Variants in HDAC4 observed in about 807,000 individuals in gnomAD.
The protein encoded by HDAC4 is histone deacetylase A.
In HDAC4, 16 loss-of-function variants were observed where a neutral mutation model predicts 135.1. The observed-to-expected ratio is 0.12, with a 90% CI of 0.08 to 0.18. The LOEUF (loss-of-function observed/expected upper bound fraction) is 0.18, where lower values mean the gene tolerates loss of function less well. Ranked by LOEUF, HDAC4 falls within the 10% of genes least tolerant of loss-of-function variation. The probability of loss-of-function intolerance (pLI) is 1.00; values close to 1 mark genes in which losing one functional copy is unlikely to be tolerated. For missense variants in HDAC4, 1,143 were observed against 1,511.8 expected, an observed-to-expected ratio of 0.76 and a Z score of 4.05; for synonymous variants, 685 against 653.4, an observed-to-expected ratio of 1.05 and a Z score of -0.74.
chr2:239,078,552 C>T (rs1024825304), intron 22 of HDAC4, among the ~76,000 whole-genome samples: 1 of 151,924 alleles, frequency 6.6e-6, no homozygotes, highest in East Asian at 1.9e-4. Context: ...AACCCTGAAA[C>T]AATTTTCCTT....
At chr2:239,239,785 T>A (rs1013640292) in intron 2 of HDAC4, among the ~76,000 whole-genome samples, 1 of 152,212 alleles carries the variant, frequency 6.6e-6, no homozygotes, top group African/African-American at 2.4e-5. Flanking sequence ...GGAAAGCTGT[T>A]CTGAGGCGGC....
intron 2 of HDAC4, among the ~76,000 whole-genome samples, chr2:239,267,704 G>C (rs2049825763): frequency 6.6e-6 from 1 of 152,250 alleles, no homozygotes. Context: ...CACGGCAATG[G>C]GGACTCAAAT....
At chr2:239,182,300 C>T (rs920254139) in intron 4 of HDAC4, among the ~76,000 whole-genome samples, 7 of 152,198 alleles carry the variant, frequency 4.6e-5, no homozygotes, top group African/African-American at 1.7e-4. Context: ...TGCACAGGGC[C>T]CCTTGGCTCC....
chr2:239,121,006 T>TTC (rs2039640777), intron 12 of HDAC4, among the ~76,000 whole-genome samples: 2 of 151,486 alleles, frequency 1.3e-5, no homozygotes, highest in African/African-American at 4.9e-5. Flanking sequence ...ATTTCTTTTT[T>TTC]TTTTTTTTTG....
chr2:239,073,691 C>T (rs1189074896), intron 22 of HDAC4, among the ~76,000 whole-genome samples: 2 of 152,280 alleles, frequency 1.3e-5, no homozygotes, highest in Admixed American at 6.5e-5. Flanking sequence ...ATGGCGATTT[C>T]GCAAACATGG....
chr2:239,135,403 G>A (rs1018784784), intron 9 of HDAC4, among the ~76,000 whole-genome samples: 1 of 152,240 alleles, frequency 6.6e-6, no homozygotes, highest in African/African-American at 2.4e-5. Flanking sequence ...GTGAGGACCA[G>A]TGACGGCAGA....
intron 2 of HDAC4, among the ~76,000 whole-genome samples, chr2:239,301,456 G>C (rs1178820698): frequency 1.3e-5 from 2 of 150,230 alleles, no homozygotes; most frequent in African/African-American, 4.9e-5. Flanking sequence ...TCTAAATTCT[G>C]CTGGTGCTTT....
intron 2 of HDAC4, among the ~76,000 whole-genome samples, chr2:239,340,391 G>A (rs1055491003): frequency 6.6e-6 from 1 of 152,192 alleles, no homozygotes; most frequent in African/African-American, 2.4e-5. Context: ...CTACAGAGGG[G>A]CCCCAGTGGG....
At chr2:239,215,147 G>C (rs2046559969) in intron 3 of HDAC4, among the ~76,000 whole-genome samples, 1 of 152,236 alleles carries the variant, frequency 6.6e-6, no homozygotes, top group African/African-American at 2.4e-5. Flanking sequence ...GTGGAAACAA[G>C]GAGTGGGCCG....
chr2:239,144,828 G>A, intron 7 of HDAC4, 114 bp from the exon 8 acceptor site: 1 of 1,119,714 alleles, frequency 8.9e-7, no homozygotes, highest in Non-Finnish European at 1.3e-6. Context: ...GCTCAACACT[G>A]CTGTGTTGCT....
Position 239,120,911 on chromosome 2 carries a change from C to T in HDAC4, c.1533+5545G>A, listed in dbSNP as rs114299398. Among the ~76,000 whole-genome samples, 669 of 151,880 alleles carry T rather than the reference C, an allele frequency of 4.4e-3. 5 individuals carry two copies. The highest frequency in any genetic ancestry group is 8.1e-3 in the Non-Finnish European group (551 of 67,944). On this transcript the variant is annotated intron_variant, in intron 12 of 26. Coordinates refer to ENST00000543185, the MANE Select transcript of HDAC4 (RefSeq NM_001378414.1). The stretch of plus-strand genomic sequence containing the variant: ...AGGCTGATCGAGGAAAAGGGTTTGT[C>T]TGTTTGCCTTTTAAAGGAGACGGCC...
Position 239,089,996 on chromosome 2 carries a change from G to A in HDAC4, c.2388+13C>T. ...CCTCCTGGAGGGCCACCACTGTCCA[G>A]GCCCCGACTGACCTTCAGCTCCCCT... On this transcript the variant is annotated intron_variant, in intron 18 of 26. Transcript: ENST00000543185. 1 of 1,596,448 alleles carries A rather than the reference G, an allele frequency of 6.3e-7. No homozygotes were observed. Among genetic ancestry groups the A allele is most frequent in the Non-Finnish European group, 8.6e-7 (1 of 1,164,220 alleles).
intron 2 of HDAC4, among the ~76,000 whole-genome samples, chr2:239,341,972 C>G (rs1025695091): frequency 5.3e-5 from 8 of 152,196 alleles, no homozygotes; most frequent in African/African-American, 1.9e-4. Context: ...CCCCTTCCAA[C>G]AGGTGAGGAC....
rs553718314 is a variant in HDAC4 at position 239,108,654 on chromosome 2, C to T, written c.1979-471G>A. On this transcript the variant is annotated intron_variant, in intron 14 of 26. Coordinates refer to ENST00000543185, the MANE Select transcript of HDAC4 (RefSeq NM_001378414.1). ...CAATAGTAACTCCAGTTCTGCTGGA[C>T]GGAGAACTGTCCAAGGTACTTGAGA... 3.9e-5 allele frequency among the ~76,000 whole-genome samples: 6 copies of T among 152,320 alleles called. No homozygotes were observed. The South Asian group carries it at 8.3e-4, about 21-fold the overall frequency.
intron 1 of HDAC4, among the ~76,000 whole-genome samples, chr2:239,396,717 AT>A (rs1357581341): frequency 1.3e-5 from 2 of 152,164 alleles, no homozygotes; most frequent in African/African-American, 4.8e-5. Context: ...TGCCAAAGAG[AT>A]TTTTTAAAAA....
intron 2 of HDAC4, among the ~76,000 whole-genome samples, chr2:239,316,222 T>C (rs923804679): frequency 2.0e-5 from 3 of 152,228 alleles, no homozygotes; most frequent in Non-Finnish European, 4.4e-5. Flanking sequence ...AAGTTTCCTA[T>C]AGGAAATCTT....
rs2042504219 is a variant in HDAC4 at position 239,157,519 on chromosome 2, CG to C, written c.612-747del. 3.3e-5 allele frequency among the ~76,000 whole-genome samples: 5 copies of C among 152,170 alleles called. No individual in the cohort carries two copies. In the South Asian group the frequency reaches 1.0e-3, roughly 31 times the overall value. ...CCGGAGGACGGACATGGGGAGGAGGCGGGCCCTGGGCCGGGACGGGGATGTG... is the reference window on the plus strand; with the variant it reads ...CCGGAGGACGGACATGGGGAGGAGGCGGCCCTGGGCCGGGACGGGGATGTG... On this transcript the variant is annotated intron_variant, in intron 6 of 26. Transcript: ENST00000543185.
In HDAC4 at chr2:239,368,520, G is replaced by C. The variant is rs990279854; in HGVS notation, c.-219-15602C>G. ...TGCCAAGCAAGAAAAACTGGAAACT[G>C]ACGTGTCCCAGCCGCCCACCCACTT... On this transcript the variant is annotated intron_variant, in intron 1 of 26. Coordinates refer to ENST00000543185, the MANE Select transcript of HDAC4 (RefSeq NM_001378414.1). Among the ~76,000 whole-genome samples, 189 of 152,266 alleles carry C rather than the reference G, an allele frequency of 1.2e-3. 2 individuals are homozygous for C. The highest frequency in any genetic ancestry group is 4.3e-4 in the Non-Finnish European group (29 of 68,008).
chr2:239,074,143 C>A (rs2034501791), intron 22 of HDAC4, among the ~76,000 whole-genome samples: 1 of 152,214 alleles, frequency 6.6e-6, no homozygotes, highest in African/African-American at 2.4e-5. Flanking sequence ...TCCACATCAT[C>A]CCAAGGAGAC....
Sources: gnomAD v4.1 joint callset for allele counts (sites outside exome capture counted in the v4.1 genomes callset) on GRCh38, gnomAD v4.1.1 for gene constraint, MANE v1.5 for transcripts, NCBI Gene and HGNC (gene_info 2026-07-23, HGNC 2026-07-21) for gene names.